The following DEFB104B variants were observed in gnomAD, a reference collection of about 807,000 sequenced individuals.
DEFB104B encodes defensin beta 104B.
At chr8:7,471,071 A>G (rs1347603424) in intron 1 of DEFB104B, among the ~76,000 whole-genome samples, 1 of 152,108 alleles carries the variant, frequency 6.6e-6, no homozygotes, top group African/African-American at 2.4e-5. Flanking sequence ...CTCTTCGTGT[A>G]TTCAAATGCC....
intron 1 of DEFB104B, among the ~76,000 whole-genome samples, chr8:7,472,333 C>G (rs1416099094): frequency 1.7e-5 from 2 of 120,082 alleles, no homozygotes; most frequent in Admixed American, 1.7e-4. Flanking sequence ...GAGAACCCAA[C>G]CTTTAAAATG....
intron 1 of DEFB104B, among the ~76,000 whole-genome samples, chr8:7,471,043 G>T (rs1810920080): frequency 6.6e-6 from 1 of 151,940 alleles, no homozygotes; most frequent in South Asian, 2.1e-4. Flanking sequence ...CCCAATATTG[G>T]GCAAATCTTT....
intron 1 of DEFB104B, among the ~76,000 whole-genome samples, chr8:7,472,026 G>A (rs1327747237): frequency 6.6e-6 from 1 of 151,462 alleles, no homozygotes; most frequent in South Asian, 2.1e-4. Context: ...TATTGAAGGG[G>A]TTAATATTTG....
intron 1 of DEFB104B, among the ~76,000 whole-genome samples, chr8:7,474,749 G>A (rs1444131238): frequency 7.3e-6 from 1 of 137,804 alleles, no homozygotes; most frequent in Non-Finnish European, 1.6e-5. Flanking sequence ...TGTGGCCAGG[G>A]TGCCAAGGAC....
At chr8:7,472,843 TTGTTTG>T (rs1811001042) in intron 1 of DEFB104B, among the ~76,000 whole-genome samples, 1 of 133,452 alleles carries the variant, frequency 7.5e-6, no homozygotes, top group African/African-American at 3.1e-5. Context: ...TTTGTTTTTT[TTGTTTG>T]TTTGTTTGTT....
intron 1 of DEFB104B, among the ~76,000 whole-genome samples, chr8:7,470,961 C>A (rs1280720123): frequency 1.2e-3 from 165 of 134,658 alleles, no homozygotes; most frequent in African/African-American, 4.3e-3. Context: ...GTGCACTGTC[C>A]CCTCTGCCTG....
At chr8:7,474,285 A>C (rs1283980597) in intron 1 of DEFB104B, among the ~76,000 whole-genome samples, 1 of 146,166 alleles carries the variant, frequency 6.8e-6, no homozygotes, top group African/African-American at 2.5e-5. Flanking sequence ...ATTTTCTCTC[A>C]CTGTACTATA....
At chr8:7,474,817 G>T (rs1811070535) in intron 1 of DEFB104B, among the ~76,000 whole-genome samples, 194 bp downstream of exon 1, 1 of 126,290 alleles carries the variant, frequency 7.9e-6, no homozygotes, top group South Asian at 2.5e-4. Flanking sequence ...TAAGCCTCAT[G>T]GCTGTAAGGT....
intron 1 of DEFB104B, among the ~76,000 whole-genome samples, chr8:7,471,407 GTGGT>G (rs1211122745): frequency 1.8e-4 from 10 of 55,474 alleles, no homozygotes; most frequent in Non-Finnish European, 3.2e-4. Flanking sequence ...ATAAACTAGA[GTGGT>G]TGCAAGTAGA....
chr8:7,474,781 C>T (rs1330474367), intron 1 of DEFB104B, among the ~76,000 whole-genome samples: 40 of 134,082 alleles, frequency 3.0e-4, no homozygotes, highest in Admixed American at 2.1e-3. Context: ...CTGATCCCTA[C>T]GTTTCTTTTT....
intron 1 of DEFB104B, among the ~76,000 whole-genome samples, chr8:7,474,053 G>C (rs1379476206): frequency 2.1e-5 from 3 of 140,454 alleles, no homozygotes; most frequent in Non-Finnish European, 3.2e-5. Context: ...GAAAAAGGAA[G>C]AGTTAACCTA....
chr8:7,472,475 T>C lies in DEFB104B; in HGVS notation c.59-1959A>G, dbSNP rs1442178965. On this transcript the variant is annotated intron_variant, in intron 1 of 1. Transcript: ENST00000316169. ...TGTCAAAGCTGGAACAGAAACCTAG[T>C]TGGTATGTCTTACAGTCTCAGTAAA... Among the ~76,000 whole-genome samples, 4 of 139,266 alleles carry C rather than the reference T, an allele frequency of 2.9e-5. No individual in the cohort carries two copies. The East Asian group carries it at 6.9e-4, about 24-fold the overall frequency. 91.4% of individuals were successfully genotyped at this position (139,266 alleles called of 152,430 possible). A position where few individuals can be genotyped will look rare whatever the true frequency, so the allele number is the denominator to read the frequency against.
At chr8:7,472,866 GT>G (rs200073635) in intron 1 of DEFB104B, among the ~76,000 whole-genome samples, 1 of 131,876 alleles carries the variant, frequency 7.6e-6, no homozygotes, top group East Asian at 2.5e-4. Context: ...TGTTTGTTTG[GT>G]TTTTTTTGAG....
chr8:7,472,847 T>C (rs1811001417), intron 1 of DEFB104B, among the ~76,000 whole-genome samples: 1 of 135,320 alleles, frequency 7.4e-6, no homozygotes, highest in African/African-American at 3.0e-5. Context: ...TTTTTTTTGT[T>C]TGTTTGTTTG....
chr8:7,471,111 T>G (rs1810923769), intron 1 of DEFB104B, among the ~76,000 whole-genome samples: 1 of 152,136 alleles, frequency 6.6e-6, no homozygotes, highest in South Asian at 2.1e-4. Flanking sequence ...TATGCATTTG[T>G]TATTCTTTTA....
At chr8:7,470,802 C>T (rs1375433546) in intron 1 of DEFB104B, among the ~76,000 whole-genome samples, 1 of 116,886 alleles carries the variant, frequency 8.6e-6, no homozygotes, top group African/African-American at 3.4e-5. Context: ...AAGCCCCTTA[C>T]TTGGTCTCCA....
rs1394763436 is a variant in DEFB104B, at chr8:7,471,298, C to G, written c.59-782G>C. 3.3e-5 allele frequency among the ~76,000 whole-genome samples: 4 copies of G among 122,528 alleles called. No individual in the cohort carries two copies. The Admixed American group carries it at 3.5e-4, about 11-fold the overall frequency. The allele number at this position is 122,528 out of a possible 152,430, so 80.4% of individuals were successfully genotyped here. ...ACTATGAGCTCCCTGACAATGAGGC[C>G]CATGTTTATGTTGCTTACCATTGTG... On this transcript the variant is annotated intron_variant, in intron 1 of 1. Transcript: ENST00000316169.
At chr8:7,472,798 G>A (rs549046538) in intron 1 of DEFB104B, among the ~76,000 whole-genome samples, 1 of 136,324 alleles carries the variant, frequency 7.3e-6, no homozygotes, top group East Asian at 2.4e-4. Context: ...ATTTTAGGGA[G>A]ACATAATACA....
chr8:7,474,543 T>A (rs1291458321), intron 1 of DEFB104B, among the ~76,000 whole-genome samples: 1 of 141,356 alleles, frequency 7.1e-6, no homozygotes, highest in Non-Finnish European at 1.6e-5. Context: ...TCTGACTTGA[T>A]ATGAAAAGTT....
Sources: gnomAD v4.1 joint callset for allele counts (sites outside exome capture counted in the v4.1 genomes callset) on GRCh38, gnomAD v4.1.1 for gene constraint, MANE v1.5 for transcripts, NCBI Gene and HGNC (gene_info 2026-07-23, HGNC 2026-07-21) for gene names.